CR1: variants seen among roughly 807,000 people sequenced by gnomAD.
CR1 encodes complement C3b/C4b receptor 1 (Knops blood group).
In CR1, 116 loss-of-function variants were observed where a neutral mutation model predicts 187.3. The ratio of observed to expected loss-of-function variants is 0.62; its 90% CI spans 0.53 to 0.72. The LOEUF is 0.72. Among genes scored for constraint, CR1 ranks in the 30% least tolerant of loss-of-function variants. CR1 has a pLI of 0.00. For synonymous variants in CR1, 576 were observed against 747.1 expected, an observed-to-expected ratio of 0.77 and a Z score of 3.73; for missense variants, 1,731 against 2,110.7, an observed-to-expected ratio of 0.82 and a Z score of 3.52.
chr1:207,589,272 T>C (rs1381512418), intron 35 of CR1, among the ~76,000 whole-genome samples: 2 of 152,086 alleles, frequency 1.3e-5, no homozygotes, highest in East Asian at 3.9e-4. Context: ...TTGGGACAAG[T>C]AGCCACACCA....
At chr1:207,510,485 T>C (rs1659577036) in intron 3 of CR1, among the ~76,000 whole-genome samples, 1 of 152,204 alleles carries the variant, frequency 6.6e-6, no homozygotes, top group Non-Finnish European at 1.5e-5. Flanking sequence ...TTCCTTCATG[T>C]ATAGTACTAT....
intron 24 of CR1, 99 bp downstream of exon 24, chr1:207,566,022 C>G: frequency 2.1e-6 from 3 of 1,461,116 alleles, no homozygotes; most frequent in Non-Finnish European, 2.8e-6. Context: ...ATATTCTAGT[C>G]TTAATTATCG....
chr1:207,513,645 G>A (rs1159125032), intron 4 of CR1, among the ~76,000 whole-genome samples: 1 of 152,084 alleles, frequency 6.6e-6, no homozygotes, highest in East Asian at 1.9e-4. Context: ...AAATTGGCCT[G>A]GTTGACATGG....
intron 34 of CR1, among the ~76,000 whole-genome samples, chr1:207,587,858 C>T (rs570400527): frequency 6.6e-6 from 1 of 152,218 alleles, no homozygotes; most frequent in Non-Finnish European, 1.5e-5. Flanking sequence ...GTACATCACC[C>T]CTTCTTCTTG....
chr1:207,615,548 G>T (rs908465488), intron 40 of CR1, among the ~76,000 whole-genome samples: 1 of 152,104 alleles, frequency 6.6e-6, no homozygotes, highest in African/African-American at 2.4e-5. Flanking sequence ...AAAAGTACAT[G>T]TTTGACATAC....
intron 3 of CR1, chr1:207,507,579 A>G (rs762461010): frequency 1.3e-5 from 2 of 152,248 alleles, no homozygotes; most frequent in Non-Finnish European, 2.9e-5. Flanking sequence ...TCCAAAGACC[A>G]TATTTCCAAA....
chr1:207,515,863 T>A (rs1659794975), intron 4 of CR1, among the ~76,000 whole-genome samples: 2 of 152,160 alleles, frequency 1.3e-5, no homozygotes, highest in Admixed American at 1.3e-4. Context: ...AGTTCTACAT[T>A]TTAATAATAT....
chr1:207,616,953 G>T (rs1662118023), intron 41 of CR1, among the ~76,000 whole-genome samples, 151 bp downstream of exon 41: 2 of 152,286 alleles, frequency 1.3e-5, no homozygotes, highest in South Asian at 4.1e-4. Flanking sequence ...TGACAAACGG[G>T]TTATAGATAG....
intron 31 of CR1, among the ~76,000 whole-genome samples, chr1:207,581,358 C>A (rs980239972): frequency 1.9e-4 from 25 of 128,666 alleles, no homozygotes; most frequent in African/African-American, 6.5e-4. Flanking sequence ...GTATACATGT[C>A]CATATGTATA....
intron 2 of CR1, 41 bp downstream of exon 2, chr1:207,506,124 ATC>A (rs759447886): frequency 1.3e-6 from 2 of 1,588,654 alleles, no homozygotes; most frequent in African/African-American, 2.7e-5. Flanking sequence ...TTAGTCAAAC[ATC>A]TGTAAGATCT....
At chr1:207,496,537 G>A (rs1659092765) in intron 1 of CR1, 149 bp downstream of exon 1, 1 of 773,456 alleles carries the variant, frequency 1.3e-6, no homozygotes, top group Non-Finnish European at 1.9e-6. Flanking sequence ...CGACCCGGCA[G>A]GGCGGCGGGT....
intron 28 of CR1, 57 bp downstream of exon 28, chr1:207,575,737 C>T: frequency 9.3e-6 from 15 of 1,609,382 alleles, no homozygotes; most frequent in Non-Finnish European, 1.3e-5. Flanking sequence ...AGTTGTCCTC[C>T]TAGAATTACA....
At chr1:207,616,384 A>G (rs569428667) in intron 40 of CR1, among the ~76,000 whole-genome samples, 191 bp from the exon 41 acceptor site, 1 of 152,322 alleles carries the variant, frequency 6.6e-6, no homozygotes, top group East Asian at 1.9e-4. Flanking sequence ...CTTTTGCAAT[A>G]AACTGTAATT....
intron 2 of CR1, 32 bp downstream of exon 2, chr1:207,506,115 T>G: frequency 6.3e-7 from 1 of 1,599,348 alleles, no homozygotes; most frequent in South Asian, 1.1e-5. Flanking sequence ...ACCCCCCTGT[T>G]AGTCAAACAT....
rs1164241512 is a variant in CR1 at position 207,515,154 on chromosome 1, T to A, written c.487+3500T>A. Among the ~76,000 whole-genome samples, 8 of 93,322 alleles carry A rather than the reference T, an allele frequency of 8.6e-5. No homozygotes were observed. The Admixed American group carries it at 8.6e-4, about 10-fold the overall frequency. 61.2% of individuals were successfully genotyped at this position (93,322 alleles called of 152,430 possible). A position where few individuals can be genotyped will look rare whatever the true frequency, so the allele number is the denominator to read the frequency against. ...GTATATATACGTGTATACGTATATA[T>A]ACATATACATATATAGGTATATACA... On this transcript the variant is annotated intron_variant, in intron 4 of 46. Transcript: ENST00000367049.
intron 33 of CR1, 87 bp downstream of exon 33, chr1:207,584,963 G>T: frequency 1.3e-6 from 2 of 1,552,752 alleles, no homozygotes; most frequent in Non-Finnish European, 1.7e-6. Context: ...TATGGTATTT[G>T]TTTGTGAGCT....
At chr1:207,506,619 T>A in intron 2 of CR1, 95 bp from the exon 3 acceptor site, 1 of 984,136 alleles carries the variant, frequency 1.0e-6, no homozygotes, top group South Asian at 1.4e-5. Flanking sequence ...CTGCGTGTGT[T>A]CCTCAGTAAG....
At position 207,584,706 on chromosome 1, in the gene CR1, C is replaced by T. The variant is rs2102349282; in HGVS notation, c.5360C>T (p.Ser1787Phe). 2 of 1,613,778 alleles carry T rather than the reference C, an allele frequency of 1.2e-6. No homozygotes were observed. Among genetic ancestry groups the T allele is most frequent in the Non-Finnish European group, 8.5e-7 (1 of 1,179,702 alleles). ...AATGGGAGACACACAGGAACTCCCT[C>T]TGGAGATATTCCCTATGGAAAAGAA... is the stretch of plus-strand genomic sequence containing the variant. ...ILNGRHTGTP[S>F]GDIPYGKEIS... Residue 1787 changes from serine to phenylalanine, a missense_variant, in exon 33 of 47, where the codon TCT becomes TTT. Transcript: ENST00000367049.
intron 45 of CR1, among the ~76,000 whole-genome samples, chr1:207,629,868 T>A (rs758575090): frequency 2.0e-5 from 3 of 152,228 alleles, no homozygotes; most frequent in Non-Finnish European, 4.4e-5. Flanking sequence ...AAGATACTTA[T>A]CCTCAGTAAA....
Sources: gnomAD v4.1 joint callset for allele counts (sites outside exome capture counted in the v4.1 genomes callset) on GRCh38, gnomAD v4.1.1 for gene constraint, MANE v1.5 for transcripts, NCBI Gene and HGNC (gene_info 2026-07-23, HGNC 2026-07-21) for gene names.